RANBP3: variants seen among roughly 807,000 people sequenced by gnomAD.
RANBP3 encodes ran-binding protein 3.
RANBP3 carries 14 observed loss-of-function variants against 77.3 expected under a neutral mutation model. The ratio of observed to expected loss-of-function variants is 0.18; its 90% CI spans 0.12 to 0.28. The LOEUF is 0.28. RANBP3 is among the 10% of genes least tolerant of loss of function. The pLI is 1.00. For synonymous variants in RANBP3, 315 were observed against 312.4 expected (o/e 1.01, Z -0.09); for missense variants, 586 against 752.3 (o/e 0.78, Z 2.59).
intron 2 of RANBP3, among the ~76,000 whole-genome samples, chr19:5,957,641 C>T (rs2058351206): frequency 6.6e-6 from 1 of 150,934 alleles, no homozygotes; most frequent in Non-Finnish European, 1.5e-5. Context: ...TCAAACAAAT[C>T]ATCAGGAATT....
chr19:5,927,601 C>T (rs533065497), intron 9 of RANBP3, among the ~76,000 whole-genome samples: 1 of 152,320 alleles, frequency 6.6e-6, no homozygotes, highest in African/African-American at 2.4e-5. Context: ...CCCTGAAATA[C>T]GGGAACAGAA....
At chr19:5,932,363 C>T in intron 7 of RANBP3, 89 bp downstream of exon 7, 5 of 989,284 alleles carry the variant, frequency 5.1e-6, no homozygotes, top group Non-Finnish European at 7.9e-6. Flanking sequence ...CAGCAGTCAC[C>T]TCTGTCGCAA....
chr19:5,923,107 G>T, intron 13 of RANBP3, 87 bp downstream of exon 13: 1 of 1,069,396 alleles, frequency 9.4e-7, no homozygotes, highest in Non-Finnish European at 1.4e-6. Context: ...AGGCCTGTGT[G>T]CTCAGAGGAT....
chr19:5,973,779 A>C (rs1173410391), intron 1 of RANBP3, among the ~76,000 whole-genome samples: 1 of 152,208 alleles, frequency 6.6e-6, no homozygotes, highest in African/African-American at 2.4e-5. Context: ...ATGAGCAGAG[A>C]CTGGTGCTAA....
chr19:5,931,572 C>A, intron 7 of RANBP3, 41 bp from the exon 8 acceptor site: 3 of 1,574,076 alleles, frequency 1.9e-6, no homozygotes. Flanking sequence ...AGGTGCTTGG[C>A]GGCCCTCCCA....
chr19:5,923,741 G>C (rs962233970), intron 12 of RANBP3, 71 bp downstream of exon 12: 9 of 1,266,618 alleles, frequency 7.1e-6, no homozygotes, highest in Non-Finnish European at 9.2e-6. Flanking sequence ...CCGGCTGGGG[G>C]TGTGAATGGA....
chr19:5,945,736 C>T (rs543582658), intron 3 of RANBP3, among the ~76,000 whole-genome samples: 1 of 152,250 alleles, frequency 6.6e-6, no homozygotes, highest in East Asian at 1.9e-4. Flanking sequence ...ATACCCATGC[C>T]TCTCAGGGAT....
intron 8 of RANBP3, 31 bp downstream of exon 8, chr19:5,931,373 G>A (rs1399715475): frequency 6.3e-7 from 1 of 1,586,896 alleles, no homozygotes; most frequent in Non-Finnish European, 8.6e-7. Flanking sequence ...GGCCTAGCAT[G>A]CAGCGCTTCC....
chr19:5,945,500 G>A (rs2058192611), intron 3 of RANBP3, among the ~76,000 whole-genome samples: 1 of 152,178 alleles, frequency 6.6e-6, no homozygotes, highest in African/African-American at 2.4e-5. Context: ...ATGTGCACTT[G>A]AGAAGGCTGT....
At chr19:5,934,839 A>G (rs530339432) in intron 5 of RANBP3, among the ~76,000 whole-genome samples, 8 of 152,346 alleles carry the variant, frequency 5.3e-5, no homozygotes, top group Non-Finnish European at 7.3e-5. Flanking sequence ...TGTCTCAAAC[A>G]AAACAAAAAC....
chr19:5,924,089 A>G lies in RANBP3; in HGVS notation c.997-175T>C, dbSNP rs999253607. On this transcript the variant is annotated intron_variant, in intron 11 of 16. Coordinates refer to ENST00000340578, the MANE Select transcript of RANBP3 (RefSeq NM_007322.3). The surrounding 1 kb of genome is among the most constrained non-coding windows in gnomAD (Gnocchi z 4.7). Reference sequence around the variant, plus strand: ...CCCACGTGGTCCCTCAGGCATCACTACGGGGTGAGTGCCACCAGCCGACAG... The same window carrying G: ...CCCACGTGGTCCCTCAGGCATCACTGCGGGGTGAGTGCCACCAGCCGACAG... Among the ~76,000 whole-genome samples, 1 of 152,018 alleles carries G rather than the reference A, an allele frequency of 6.6e-6. No homozygotes were observed. The highest frequency in any genetic ancestry group is 2.4e-5 in the African/African-American group (1 of 41,370).
At chr19:5,965,845 T>C (rs1450271581) in intron 1 of RANBP3, 1 of 152,228 alleles carries the variant, frequency 6.6e-6, no homozygotes, top group African/African-American at 2.4e-5. Flanking sequence ...TTCGAGCACT[T>C]CTTTATGTGT....
chr19:5,918,733 C>T (rs2057778881), intron 14 of RANBP3, 95 bp from the exon 15 acceptor site: 11 of 1,459,706 alleles, frequency 7.5e-6, no homozygotes, highest in Non-Finnish European at 1.0e-5. Flanking sequence ...TGGAAAGCGA[C>T]ATCACCGCGC....
chr19:5,973,098 G>A (rs1219781007), intron 1 of RANBP3, among the ~76,000 whole-genome samples: 6 of 152,176 alleles, frequency 3.9e-5, no homozygotes, highest in African/African-American at 1.4e-4. Flanking sequence ...GAGGCACAGT[G>A]GAGGTGAAAG....
intron 3 of RANBP3, among the ~76,000 whole-genome samples, chr19:5,945,894 C>T (rs1306064807): frequency 1.3e-5 from 2 of 152,040 alleles, no homozygotes; most frequent in East Asian, 1.9e-4. Flanking sequence ...TGCACTCATC[C>T]TCCCCTTCAC....
chr19:5,977,727 C>A (rs948478175), intron 1 of RANBP3, among the ~76,000 whole-genome samples: 1 of 152,216 alleles, frequency 6.6e-6, no homozygotes, highest in African/African-American at 2.4e-5. Flanking sequence ...CTATTTACAT[C>A]CGTGGCCGAA....
At chr19:5,974,172 AG>A (rs2058561706) in intron 1 of RANBP3, among the ~76,000 whole-genome samples, 1 of 152,164 alleles carries the variant, frequency 6.6e-6, no homozygotes, top group South Asian at 2.1e-4. Context: ...TGCAACGCAC[AG>A]GACAGCCCCT....
rs573641220 is a variant in RANBP3 at position 5,952,854 on chromosome 19, C to G, written c.79-1258G>C. Among the ~76,000 whole-genome samples the G allele has an allele frequency of 3.9e-5, 6 of 152,346 alleles. No homozygotes were observed. Among genetic ancestry groups the G allele is most frequent in the African/African-American group, 1.2e-4 (5 of 41,580 alleles). On this transcript the variant is annotated intron_variant, in intron 2 of 16. Coordinates refer to ENST00000340578, the MANE Select transcript of RANBP3 (RefSeq NM_007322.3). This position sits in a 1 kb window ranked among gnomAD's most constrained non-coding sequence, Gnocchi z 4.1. ...GGCAGAGCCACGGACCAGCCGCTCTCTAAACCTGGCTCTCTAAACCTGCAC... is the reference window on the plus strand; with the variant it reads ...GGCAGAGCCACGGACCAGCCGCTCTGTAAACCTGGCTCTCTAAACCTGCAC...
chr19:5,928,258 T>A, intron 8 of RANBP3, 171 bp from the exon 9 acceptor site: 1 of 731,882 alleles, frequency 1.4e-6, no homozygotes, highest in East Asian at 2.9e-5. Context: ...AGCCTGGGAG[T>A]TGTAGTGAGC....
Sources: gnomAD v4.1 joint callset for allele counts (sites outside exome capture counted in the v4.1 genomes callset) on GRCh38, gnomAD v4.1.1 for gene constraint, Gnocchi (gnomAD v3.1) non-coding constraint, MANE v1.5 for transcripts, NCBI Gene and HGNC (gene_info 2026-07-23, HGNC 2026-07-21) for gene names.